The following CPB1 variants were observed in gnomAD, a reference collection of about 807,000 sequenced individuals.
CPB1 encodes carboxypeptidase B1, also known as carboxypeptidase B.
A neutral mutation model predicts 51.4 loss-of-function variants in CPB1; 53 were observed. The ratio of observed to expected loss-of-function variants is 1.03; its 90% CI spans 0.83 to 1.30. The LOEUF (loss-of-function observed/expected upper bound fraction) is 1.30, where lower values mean the gene tolerates loss of function less well. CPB1 is among the 50% of genes most tolerant of loss of function. The pLI is 0.00. For synonymous variants in CPB1, 189 were observed against 186.9 expected (o/e 1.01, Z -0.09); for missense variants, 494 against 516.2 (o/e 0.96, Z 0.42).
chr3:148,857,636 G>T, intron 10 of CPB1, 95 bp downstream of exon 10: 2 of 794,942 alleles, frequency 2.5e-6, no homozygotes, highest in East Asian at 2.8e-5. Flanking sequence ...TTTAAAGCAT[G>T]TGGCTTTTGC....
At position 148,834,622 on chromosome 3, in the gene CPB1, AG is replaced by A; in HGVS notation, c.272+1del. On this transcript the variant is annotated splice_donor_variant, in intron 3 of 10. Coordinates refer to ENST00000282957, the MANE Select transcript of CPB1 (RefSeq NM_001871.3). LOFTEE classifies it high-confidence loss of function. ...CTAAAGCAGAATGAACTACAATACA[AG>A]TAAGTTTATGTTTTATAAATATTAA... is the stretch of plus-strand genomic sequence containing the variant. 6.2e-7 allele frequency: 1 copy of A among 1,605,120 alleles called. No individual in the cohort carries two copies. The highest frequency in any genetic ancestry group is 1.3e-5 in the African/African-American group (1 of 74,910).
intron 10 of CPB1, among the ~76,000 whole-genome samples, chr3:148,858,380 G>C (rs1713648099): frequency 6.6e-6 from 1 of 152,214 alleles, no homozygotes; most frequent in African/African-American, 2.4e-5. Flanking sequence ...AGACCAGCCT[G>C]CCCAACATGG....
chr3:148,832,962 TCCCAC>T (rs757906057), intron 2 of CPB1, among the ~76,000 whole-genome samples: 1 of 152,134 alleles, frequency 6.6e-6, no homozygotes, highest in Non-Finnish European at 1.5e-5. Flanking sequence ...TATCTCTCTC[TCCCAC>T]CACACCATAG....
intron 5 of CPB1, 125 bp downstream of exon 5, chr3:148,841,100 T>A (rs1335108691): frequency 2.9e-6 from 2 of 695,230 alleles, no homozygotes; most frequent in South Asian, 2.4e-5. Flanking sequence ...CCTGCCTACA[T>A]CCCCGAGGGA....
rs1342582030 is a variant in CPB1, at chr3:148,844,557, A to G, written c.656A>G (p.Asn219Ser). The change falls in exon 7 of 11, where the codon AAT (asparagine) becomes AGT (serine). Residue 219 changes from asparagine to serine, a missense_variant. Physicochemically the swap from Asn to Ser is conservative, Grantham distance 46. Transcript: ENST00000282957. ...GACTTTTATGTCCTGCCTGTGCTCA[A>G]TATTGATGGCTACATCTACACCTGG... ...KLDFYVLPVL[N>S]IDGYIYTWTK... is the part of the protein sequence containing the mutation. 1 of 1,613,808 alleles carries G rather than the reference A, an allele frequency of 6.2e-7. No homozygotes were observed. Among genetic ancestry groups the G allele is most frequent in the Non-Finnish European group, 8.5e-7 (1 of 1,179,826 alleles).
chr3:148,857,739 TA>T (rs1003657935), intron 10 of CPB1, 198 bp downstream of exon 10: 26 of 456,662 alleles, frequency 5.7e-5, no homozygotes, highest in Admixed American at 1.2e-4. Flanking sequence ...AACTTTTCTC[TA>T]AAAAAAATTA....
intron 5 of CPB1, among the ~76,000 whole-genome samples, 165 bp from the exon 6 acceptor site, chr3:148,841,658 G>C (rs1483099527): frequency 2.0e-5 from 3 of 152,194 alleles, no homozygotes; most frequent in Non-Finnish European, 4.4e-5. Flanking sequence ...GTCTAGAAGC[G>C]AGAACATACT....
At chr3:148,832,398 A>G (rs7653607) in intron 2 of CPB1, among the ~76,000 whole-genome samples, 124,693 of 151,948 alleles carry the variant, frequency 0.82, 51,795 homozygotes, top group East Asian at 0.95. Flanking sequence ...GCAAGCATTT[A>G]ATGCTTTGAG....
In CPB1 at chr3:148,859,961, A is replaced by G. The variant is rs758431117; in HGVS notation, c.1213A>G (p.Ile405Val). 10 of 1,614,044 alleles carry G rather than the reference A, an allele frequency of 6.2e-6. No individual in the cohort carries two copies. In the East Asian group the frequency reaches 6.7e-5, roughly 11 times the overall value. Reference sequence around the variant, plus strand: ...TACCTGCGAGGAGACCTTCCTGGCAATCAAGTATGTTGCCAGCTACGTCCT... The same window carrying G: ...TACCTGCGAGGAGACCTTCCTGGCAGTCAAGTATGTTGCCAGCTACGTCCT... ...RATCEETFLA[I>V]KYVASYVLEH... is the part of the protein sequence containing the mutation. Residue 405 changes from isoleucine to valine, a missense_variant, in exon 11 of 11, where the codon ATC becomes GTC. Transcript: ENST00000282957.
intron 9 of CPB1, chr3:148,856,884 A>C (rs1157222374): frequency 6.6e-6 from 1 of 152,200 alleles, no homozygotes; most frequent in Non-Finnish European, 1.5e-5. Flanking sequence ...AGTCTAAAAA[A>C]TTTCCAAGCT....
intron 9 of CPB1, among the ~76,000 whole-genome samples, chr3:148,853,576 G>A (rs1713492922): frequency 6.6e-6 from 1 of 152,190 alleles, no homozygotes; most frequent in Non-Finnish European, 1.5e-5. Flanking sequence ...TGCATAAGAT[G>A]TGAAAATTCA....
At chr3:148,855,355 A>C (rs1713543733) in intron 9 of CPB1, 1 of 152,234 alleles carries the variant, frequency 6.6e-6, no homozygotes, top group Non-Finnish European at 1.5e-5. Flanking sequence ...TCAAAAAAAA[A>C]ATAGAGCAAC....
intron 2 of CPB1, among the ~76,000 whole-genome samples, chr3:148,833,510 A>G (rs973604825): frequency 5.3e-5 from 8 of 152,146 alleles, no homozygotes; most frequent in African/African-American, 1.9e-4. Flanking sequence ...AGTGGTCCTA[A>G]ATATCACCAT....
At chr3:148,853,887 C>T (rs1713499358) in intron 9 of CPB1, among the ~76,000 whole-genome samples, 1 of 150,462 alleles carries the variant, frequency 6.6e-6, no homozygotes, top group African/African-American at 2.5e-5. Context: ...ATATCTAGCT[C>T]TTATCAAGAG....
intron 3 of CPB1, among the ~76,000 whole-genome samples, chr3:148,836,292 AAAGATAT>A (rs1712900093): frequency 6.6e-6 from 1 of 152,162 alleles, no homozygotes; most frequent in Non-Finnish European, 1.5e-5. Context: ...TTTTTAAAAC[AAAGATAT>A]AACCTGGTAA....
chr3:148,858,084 T>C (rs189190393), intron 10 of CPB1, among the ~76,000 whole-genome samples: 2 of 152,104 alleles, frequency 1.3e-5, no homozygotes, highest in Admixed American at 6.6e-5. Context: ...GGGCAATCTT[T>C]AAAGAACTAG....
At chr3:148,830,201 C>A (rs569069440) in intron 2 of CPB1, among the ~76,000 whole-genome samples, 1 of 152,144 alleles carries the variant, frequency 6.6e-6, no homozygotes, top group Admixed American at 6.5e-5. Context: ...CACCTGTTTT[C>A]GTGTTTATAA....
Position 148,846,797 on chromosome 3 carries a change from GTATATATATATATATATATATATATA to G in CPB1, c.981+1191_981+1216del, listed in dbSNP as rs368201293. On this transcript the variant is annotated intron_variant, in intron 9 of 10. Coordinates refer to ENST00000282957, the MANE Select transcript of CPB1 (RefSeq NM_001871.3). ...CACATATATATGTGTGTGTGCGTGT[GTATATATATATATATATATATATATA>G]TATATATATATATATATATGTTAGC... 1.6e-3 allele frequency among the ~76,000 whole-genome samples: 83 copies of G among 50,540 alleles called. 4 individuals carry two copies. Among genetic ancestry groups the G allele is most frequent in the African/African-American group, 3.3e-3 (58 of 17,800 alleles). The allele number at this position is 50,540 out of a possible 152,430, so 33.2% of individuals were successfully genotyped here. A position where few individuals can be genotyped will look rare whatever the true frequency, so the allele number is the denominator to read the frequency against.
Position 148,844,471 on chromosome 3 carries a change from C to T in CPB1, c.577-7C>T, listed in dbSNP as rs1355319436. Reference sequence around the variant, plus strand: ...CCATGAAATTCCTCTTCATAATTCACATACAGGCTGTTCGTACCTATGGAC... The same window carrying T: ...CCATGAAATTCCTCTTCATAATTCATATACAGGCTGTTCGTACCTATGGAC... On this transcript the variant is annotated splice_region_variant and splice_polypyrimidine_tract_variant and intron_variant, in intron 6 of 10. Coordinates refer to ENST00000282957, the MANE Select transcript of CPB1 (RefSeq NM_001871.3). 5 of 1,602,766 alleles carry T rather than the reference C, an allele frequency of 3.1e-6. No homozygotes were observed. In the South Asian group the frequency reaches 5.5e-5, roughly 18 times the overall value.
Sources: gnomAD v4.1 joint callset for allele counts (sites outside exome capture counted in the v4.1 genomes callset) on GRCh38, gnomAD v4.1.1 for gene constraint, MANE v1.5 for transcripts, NCBI Gene and HGNC (gene_info 2026-07-23, HGNC 2026-07-21) for gene names.